Variants in PRR16 observed in about 807,000 individuals in gnomAD.
PRR16 encodes the protein proline rich 16.
Under a neutral mutation model 18.2 loss-of-function variants are expected in PRR16, and 6 were observed. That is an observed-to-expected ratio of 0.33 (90% confidence interval 0.18 to 0.65). The LOEUF (loss-of-function observed/expected upper bound fraction) is 0.65. Ranked by LOEUF, PRR16 falls within the 30% of genes least tolerant of loss-of-function variation. The pLI is 0.74. For synonymous variants in PRR16, 151 were observed against 147.8 expected (o/e 1.02, Z -0.16); for missense variants, 412 against 376.6 (o/e 1.09, Z -0.78).
chr5:120,622,931 A>T (rs1423465264), intron 1 of PRR16, among the ~76,000 whole-genome samples: 14 of 152,290 alleles, frequency 9.2e-5, no homozygotes, highest in Admixed American at 7.2e-4. Flanking sequence ...TGCAGTAGGG[A>T]GAGAGAACAA....
chr5:120,666,840 G>A (rs1756396551), intron 1 of PRR16, among the ~76,000 whole-genome samples: 1 of 148,372 alleles, frequency 6.7e-6, no homozygotes, highest in African/African-American at 2.5e-5. Context: ...GCTTTTTGAT[G>A]TGCTGCTGGA....
At chr5:120,561,724 C>A (rs377605265) in intron 1 of PRR16, among the ~76,000 whole-genome samples, 1 of 152,242 alleles carries the variant, frequency 6.6e-6, no homozygotes, top group East Asian at 1.9e-4. Context: ...ATAATTGAAT[C>A]ATGGGGTGGT....
At chr5:120,667,569 C>T (rs937445290) in intron 1 of PRR16, among the ~76,000 whole-genome samples, 57 of 150,780 alleles carry the variant, frequency 3.8e-4, no homozygotes, top group African/African-American at 1.4e-3. Flanking sequence ...TTGGATTTTT[C>T]CTGCTTTCTC....
intron 1 of PRR16, among the ~76,000 whole-genome samples, chr5:120,671,624 TACTAAA>T (rs1756608491): frequency 6.6e-6 from 1 of 152,194 alleles, no homozygotes; most frequent in African/African-American, 2.4e-5. Flanking sequence ...TTGCATTGTA[TACTAAA>T]CATTTTGCTC....
chr5:120,633,489 C>T (rs2405961), intron 1 of PRR16, among the ~76,000 whole-genome samples: 149,812 of 152,248 alleles, frequency 0.98, 73,739 homozygotes, highest in East Asian at 1. Flanking sequence ...ACCTAACACA[C>T]AAGGACTCAC....
chr5:120,703,417 C>T, the PRR16 span, among the ~76,000 whole-genome samples: 1 of 152,160 alleles, frequency 6.6e-6, no homozygotes, highest in Admixed American at 6.5e-5. Flanking sequence ...TGACATACAT[C>T]AAATTTATTT....
chr5:120,678,247 A>G (rs1464476184), intron 1 of PRR16, among the ~76,000 whole-genome samples: 1 of 152,158 alleles, frequency 6.6e-6, no homozygotes, highest in Non-Finnish European at 1.5e-5. Flanking sequence ...CAAAATAGGA[A>G]GAGAGCTCAC....
chr5:120,715,058 A>G, the PRR16 span, among the ~76,000 whole-genome samples: 1 of 151,994 alleles, frequency 6.6e-6, no homozygotes, highest in African/African-American at 2.4e-5. Context: ...TGGCACACGT[A>G]TATCTATGTA....
intron 1 of PRR16, among the ~76,000 whole-genome samples, chr5:120,484,260 C>T (rs977025115): frequency 5.4e-5 from 8 of 147,868 alleles, no homozygotes; most frequent in East Asian, 2.0e-4. Flanking sequence ...GACTCTAGTA[C>T]TGAAAGTTAA....
At chr5:120,502,541 C>G (rs1440813983) in intron 1 of PRR16, among the ~76,000 whole-genome samples, 1 of 151,900 alleles carries the variant, frequency 6.6e-6, no homozygotes, top group Non-Finnish European at 1.5e-5. Flanking sequence ...AAAACAGAAA[C>G]TATAATGGAA....
the PRR16 span, among the ~76,000 whole-genome samples, chr5:120,787,694 C>A: frequency 6.6e-6 from 1 of 152,128 alleles, no homozygotes; most frequent in African/African-American, 2.4e-5. Context: ...AAGAAAGCAT[C>A]TGCAACTGTA....
At chr5:120,574,553 G>A (rs1198889482) in intron 1 of PRR16, among the ~76,000 whole-genome samples, 1 of 149,640 alleles carries the variant, frequency 6.7e-6, no homozygotes, top group East Asian at 1.9e-4. Context: ...GCAGAATCAA[G>A]ATCATGCCAT....
intron 1 of PRR16, among the ~76,000 whole-genome samples, chr5:120,645,190 G>A (rs562783265): frequency 1.8e-4 from 28 of 152,164 alleles, no homozygotes; most frequent in African/African-American, 6.3e-4. Flanking sequence ...GAAAAATTGA[G>A]TAAATACTTT....
chr5:120,493,091 G>A (rs1750120607), intron 1 of PRR16, among the ~76,000 whole-genome samples: 1 of 152,140 alleles, frequency 6.6e-6, no homozygotes, highest in African/African-American at 2.4e-5. Context: ...GAGTTGCTGG[G>A]TTGAATGGTA....
At chr5:120,715,357 C>T in the PRR16 span, among the ~76,000 whole-genome samples, 1 of 152,186 alleles carries the variant, frequency 6.6e-6, no homozygotes, top group Non-Finnish European at 1.5e-5. Flanking sequence ...TTCAGTGCTT[C>T]ACGTTTATAG....
At chr5:120,605,794 A>C (rs1283154637) in intron 1 of PRR16, among the ~76,000 whole-genome samples, 1 of 151,910 alleles carries the variant, frequency 6.6e-6, no homozygotes, top group Non-Finnish European at 1.5e-5. Flanking sequence ...TCAGCTCAGC[A>C]CTCCTGGGCT....
the PRR16 span, among the ~76,000 whole-genome samples, chr5:120,700,050 C>A: frequency 6.6e-6 from 1 of 151,926 alleles, no homozygotes; most frequent in Admixed American, 6.6e-5. Flanking sequence ...GGGTACAAAG[C>A]AATAGTAAAG....
chr5:120,543,598 A>G (rs940684536), intron 1 of PRR16, among the ~76,000 whole-genome samples: 7 of 152,194 alleles, frequency 4.6e-5, no homozygotes, highest in African/African-American at 1.2e-4. Flanking sequence ...TGAACAAAAT[A>G]TGATGTCGGA....
At chr5:120,553,716 TTG>T (rs965487981) in intron 1 of PRR16, among the ~76,000 whole-genome samples, 3 of 151,878 alleles carry the variant, frequency 2.0e-5, no homozygotes, top group Non-Finnish European at 2.9e-5. Context: ...GCAATTCTGA[TTG>T]TGTGTTGAAT....
Sources: gnomAD v4.1 joint callset for allele counts (sites outside exome capture counted in the v4.1 genomes callset) on GRCh38, gnomAD v4.1.1 for gene constraint, MANE v1.5 for transcripts, NCBI Gene and HGNC (gene_info 2026-07-23, HGNC 2026-07-21) for gene names.